The following NCAPG variants were observed in gnomAD, a reference collection of about 807,000 sequenced individuals.
NCAPG encodes condensin complex subunit 3.
Under a neutral mutation model 113.1 loss-of-function variants are expected in NCAPG, and 69 were observed. That is an observed-to-expected ratio of 0.61 (90% CI 0.50 to 0.75). The LOEUF (loss-of-function observed/expected upper bound fraction) is 0.75. NCAPG is among the 30% of genes least tolerant of loss of function. The pLI, the probability that NCAPG is intolerant of heterozygous loss-of-function variation, is 0.00. For missense variants in NCAPG, 1,058 were observed against 1,177.0 expected (o/e 0.90, Z 1.48); for synonymous variants, 370 against 415.8 (o/e 0.89, Z 1.34).
In NCAPG at chr4:17,840,140, G is replaced by C. The variant is rs753411426; in HGVS notation, c.2698G>C (p.Glu900Gln). The change falls in exon 18 of 21, where the codon GAA (glutamate) becomes CAA (glutamine). Residue 900 changes from glutamate (E) to glutamine (Q), a missense_variant. Transcript: ENST00000251496. Reference protein sequence around the residue: ...IKIQLEKGNKEFGDQAEAAQD... With the variant: ...IKIQLEKGNKQFGDQAEAAQD... ...GATTCAGTTAGAAAAAGGAAATAAA[G>C]AATTTGGTGACCAAGCTGAAGCAGC... is the stretch of plus-strand genomic sequence containing the variant. The C allele has an allele frequency of 2.9e-5, 46 of 1,611,860 alleles. No individual in the cohort carries two copies. Among genetic ancestry groups the C allele is most frequent in the Middle Eastern group, 1.6e-4 (1 of 6,072 alleles).
rs577236755 is a variant in NCAPG at position 17,822,263 on chromosome 4, G to A, written c.1119-720G>A. Among the ~76,000 whole-genome samples the A allele has an allele frequency of 1.6e-3, 226 of 143,524 alleles. 1 individual carries two copies. The highest frequency in any genetic ancestry group is 5.7e-3 in the African/African-American group (219 of 38,458). 94.2% of individuals were successfully genotyped at this position (143,524 alleles called of 152,430 possible). On this transcript the variant is annotated intron_variant, in intron 7 of 20. Coordinates refer to ENST00000251496, the MANE Select transcript of NCAPG (RefSeq NM_022346.5). ...GGCTAGAGTGCAGTGGTGCGATCTC[G>A]GCTCACTGCAACCCCTGCCTCCTGG... is the stretch of plus-strand genomic sequence containing the variant.
At chr4:17,829,907 G>A (rs1721794995) in intron 12 of NCAPG, among the ~76,000 whole-genome samples, 1 of 152,182 alleles carries the variant, frequency 6.6e-6, no homozygotes, top group Non-Finnish European at 1.5e-5. Context: ...TGCTTGCTAT[G>A]AAGAAGAGCT....
chr4:17,816,086 G>C (rs761043216), intron 5 of NCAPG, among the ~76,000 whole-genome samples: 2 of 150,934 alleles, frequency 1.3e-5, no homozygotes, highest in Non-Finnish European at 2.9e-5. Context: ...TTCTGTTAGA[G>C]TAGAGTTCCC....
Position 17,817,195 on chromosome 4 carries a change from G to A in NCAPG, c.776-66G>A. The A allele has an allele frequency of 7.5e-6, 9 of 1,199,934 alleles. No individual in the cohort carries two copies. The South Asian group carries it at 1.3e-4, about 17-fold the overall frequency. 74.3% of individuals were successfully genotyped at this position (1,199,934 alleles called of 1,614,324 possible). ...AATACTGACTTTGTTAATTAAAACA[G>A]ACAAAATACAAGAGATGGAAGCTAG... On this transcript the variant is annotated intron_variant, in intron 5 of 20. Transcript: ENST00000251496.
At chr4:17,827,153 T>G (rs148328417) in intron 11 of NCAPG, among the ~76,000 whole-genome samples, 2 of 152,344 alleles carry the variant, frequency 1.3e-5, no homozygotes, top group Admixed American at 6.5e-5. Flanking sequence ...GAATGCCTAT[T>G]ATGTTTTAAA....
intron 9 of NCAPG, among the ~76,000 whole-genome samples, chr4:17,824,164 C>T (rs1375599603): frequency 1.3e-5 from 2 of 152,122 alleles, no homozygotes; most frequent in Non-Finnish European, 1.5e-5. Flanking sequence ...TGCTGTTTTA[C>T]TTGTCTGCAA....
intron 13 of NCAPG, among the ~76,000 whole-genome samples, chr4:17,832,239 C>G (rs1402470662): frequency 1.3e-5 from 2 of 151,904 alleles, no homozygotes; most frequent in Non-Finnish European, 2.9e-5. Flanking sequence ...AGTAGGGGTA[C>G]AAGTATGGAA....
chr4:17,817,209 G>T (rs1721245364), intron 5 of NCAPG, 52 bp from the exon 6 acceptor site: 1 of 1,324,768 alleles, frequency 7.5e-7, no homozygotes, highest in Non-Finnish European at 1.1e-6. Flanking sequence ...AAATACAAGA[G>T]ATGGAAGCTA....
rs201064542 is a variant in NCAPG at position 17,837,317 on chromosome 4, C to T, written c.2268C>T (p.Phe756=). The T allele has an allele frequency of 9.3e-6, 15 of 1,613,056 alleles. No individual in the cohort carries two copies. ...VQLRHCLGVF[F]PVFAYASRTN... Reference sequence around the variant, plus strand: ...TTCGACATTGCCTAGGCGTGTTCTTCCCCGTGTTTGCTTATGCAAGCAGGT... The same window carrying T: ...TTCGACATTGCCTAGGCGTGTTCTTTCCCGTGTTTGCTTATGCAAGCAGGT... Residue 756 remains phenylalanine (F), a synonymous_variant, in exon 15 of 21, where the codon TTC becomes TTT. Transcript: ENST00000251496.
chr4:17,830,796 T>G (rs1721839122), intron 12 of NCAPG, among the ~76,000 whole-genome samples: 1 of 152,168 alleles, frequency 6.6e-6, no homozygotes, highest in South Asian at 2.1e-4. Flanking sequence ...GGGAAACCAT[T>G]GAGTCCCTTT....
At chr4:17,813,175 G>A in intron 3 of NCAPG, 30 bp downstream of exon 3, 1 of 1,545,082 alleles carries the variant, frequency 6.5e-7, no homozygotes, top group Non-Finnish European at 8.8e-7. Flanking sequence ...TCTTTTTTCA[G>A]ATTTGTTGAT....
rs752827678 is a variant in NCAPG, at chr4:17,817,381, C to G, written c.896C>G (p.Ser299Cys). The G allele has an allele frequency of 1.2e-6, 2 of 1,614,106 alleles. No homozygotes were observed. Among genetic ancestry groups the G allele is most frequent in the Non-Finnish European group, 1.7e-6 (2 of 1,179,998 alleles). Residue 299 changes from serine to cysteine, a missense_variant, in exon 6 of 21, where the codon TCT becomes TGT. By Grantham distance (112) the Ser-to-Cys change is moderately radical. Coordinates refer to ENST00000251496, the MANE Select transcript of NCAPG (RefSeq NM_022346.5). Reference sequence around the variant, plus strand: ...GAAAATTCTTCTGAAGTGGCAGTCTCTGTTCTCAATGCCTTGTTTTCAATA... The same window carrying G: ...GAAAATTCTTCTGAAGTGGCAGTCTGTGTTCTCAATGCCTTGTTTTCAATA... ...DVENSSEVAVSVLNALFSITP... is the reference protein window; with the variant it reads ...DVENSSEVAVCVLNALFSITP...
At chr4:17,830,855 C>G in intron 12 of NCAPG, 142 bp from the exon 13 acceptor site, 1 of 769,554 alleles carries the variant, frequency 1.3e-6, no homozygotes, top group Non-Finnish European at 2.0e-6. Flanking sequence ...TCAGGAAGGT[C>G]ACTCTGGCTA....
chr4:17,843,216 TGA>T lies in NCAPG; in HGVS notation c.2925-84_2925-83del, dbSNP rs879022280. 3.6e-5 allele frequency: 52 copies of T among 1,426,208 alleles called. 1 individual carries two copies. In the South Asian group the frequency reaches 6.8e-4, roughly 19 times the overall value. 88.3% of individuals were successfully genotyped at this position (1,426,208 alleles called of 1,614,324 possible). ...CTATCAATTAAACACTGATAGAATG[TGA>T]GTCAGAAACAAAAAAGTTTTATTTA... On this transcript the variant is annotated intron_variant, in intron 20 of 20. Transcript: ENST00000251496.
chr4:17,842,299 C>T lies in NCAPG; in HGVS notation c.2855-11C>T. ...TAATAAATCCTGATAATGAATTATA[C>T]TATCTTCAAGGACAGAGAAAAGTGA... On this transcript the variant is annotated splice_polypyrimidine_tract_variant and intron_variant, in intron 19 of 20. Coordinates refer to ENST00000251496, the MANE Select transcript of NCAPG (RefSeq NM_022346.5). 6.2e-7 allele frequency: 1 copy of T among 1,609,502 alleles called. No individual in the cohort carries two copies. The highest frequency in any genetic ancestry group is 8.5e-7 in the Non-Finnish European group (1 of 1,176,494).
chr4:17,839,969 A>C, intron 17 of NCAPG, 102 bp from the exon 18 acceptor site: 1 of 1,459,478 alleles, frequency 6.9e-7, no homozygotes, highest in African/African-American at 1.4e-5. Flanking sequence ...CATAAATTTC[A>C]TATAATTTAG....
At chr4:17,835,472 G>GT (rs930463757) in intron 14 of NCAPG, among the ~76,000 whole-genome samples, 51 of 152,158 alleles carry the variant, frequency 3.4e-4, no homozygotes, top group African/African-American at 1.2e-3. Context: ...GATTACAAGT[G>GT]TGAGCCCTCG....
intron 15 of NCAPG, 37 bp from the exon 16 acceptor site, chr4:17,837,590 T>C (rs1487433060): frequency 2.5e-6 from 4 of 1,572,808 alleles, no homozygotes; most frequent in Non-Finnish European, 3.5e-6. Flanking sequence ...CATCAAATAA[T>C]GTTCTGCCAA....
Position 17,825,416 on chromosome 4 carries a change from A to C in NCAPG, c.1508A>C (p.Lys503Thr). 1.9e-6 allele frequency: 3 copies of C among 1,595,152 alleles called. 1 individual carries two copies. In the South Asian group the frequency reaches 3.4e-5, roughly 18 times the overall value. ...ATAAAAGTTAAGCTTATCGAAGCCA[A>C]AGAAGCTTTGGAAAATTGCATTACC... ...AEIKVKLIEA[K>T]EALENCITLQ... The change falls in exon 11 of 21, where the codon AAA becomes ACA. Residue 503 changes from lysine (K) to threonine (T), a missense_variant. Transcript: ENST00000251496.
Sources: gnomAD v4.1 joint callset for allele counts (sites outside exome capture counted in the v4.1 genomes callset) on GRCh38, gnomAD v4.1.1 for gene constraint, MANE v1.5 for transcripts, NCBI Gene and HGNC (gene_info 2026-07-23, HGNC 2026-07-21) for gene names.